Variants in CROT observed in about 807,000 individuals in gnomAD.
CROT encodes peroxisomal carnitine O-octanoyltransferase.
CROT carries 84 observed loss-of-function variants against 89.2 expected under a neutral mutation model. The observed-to-expected ratio is 0.94, with a 90% CI of 0.79 to 1.13. The LOEUF (loss-of-function observed/expected upper bound fraction) is 1.13, where lower values mean the gene tolerates loss of function less well. Among genes scored for constraint, CROT ranks in the 50% most tolerant of loss-of-function variants. CROT has a pLI of 0.00. For missense variants in CROT, 711 were observed against 727.8 expected (o/e 0.98, Z 0.27); for synonymous variants, 212 against 239.5 (o/e 0.89, Z 1.06).
At chr7:87,348,991 G>T in intron 2 of CROT, 57 bp from the exon 3 acceptor site, 4 of 681,406 alleles carry the variant, frequency 5.9e-6, no homozygotes, top group Non-Finnish European at 1.0e-5. Context: ...TTGTACCTAG[G>T]ATACGTAACA....
intron 7 of CROT, among the ~76,000 whole-genome samples, chr7:87,373,158 G>C (rs1386414703): frequency 6.6e-6 from 1 of 152,058 alleles, no homozygotes; most frequent in Non-Finnish European, 1.5e-5. Flanking sequence ...TAAGGGTAAA[G>C]TGGGATCTCG....
chr7:87,375,647 C>G lies in CROT; in HGVS notation c.672C>G (p.Ile224Met). The G allele has an allele frequency of 6.2e-7, 1 of 1,612,732 alleles. No homozygotes were observed. The change falls in exon 8 of 18, where the codon ATC becomes ATG. Residue 224 changes from isoleucine (I) to methionine (M), a missense_variant. By Grantham distance (10) the Ile-to-Met change is conservative. Transcript: ENST00000331536. ...CTTCCATAAGACAACTGACATATAT[C>G]CACAAGAAGTGCCATAGTGAACCTG... The part of the protein sequence containing the change: ...PPELLRQLTY[I>M]HKKCHSEPDG...
At chr7:87,358,152 G>T in intron 3 of CROT, among the ~76,000 whole-genome samples, 1 of 152,044 alleles carries the variant, frequency 6.6e-6, no homozygotes, top group East Asian at 1.9e-4. Flanking sequence ...GAACAATGCA[G>T]GGCTGGTGGT....
chr7:87,361,396 G>T lies in CROT; in HGVS notation c.247G>T (p.Glu83Ter), dbSNP rs767024587. The T allele has an allele frequency of 4.3e-6, 7 of 1,612,794 alleles. No homozygotes were observed. Among genetic ancestry groups the T allele is most frequent in the Non-Finnish European group, 5.9e-6 (7 of 1,179,682 alleles). The change falls in exon 5 of 18, where the codon GAG becomes TAG. Residue 83 changes from glutamate to a stop codon, truncating the protein, a stop_gained. Coordinates refer to ENST00000331536, the MANE Select transcript of CROT (RefSeq NM_021151.4). LOFTEE classifies it high-confidence loss of function. Reference protein sequence around the residue: ...RAKGKRNWLEEWWLNVAYLDV... With the variant: ...RAKGKRNWLE ...TGTTCTCAATTTCTTTTAGCTGGAA[G>T]AGTGGTGGCTGAATGTTGCCTATCT... is the stretch of plus-strand genomic sequence containing the variant.
At chr7:87,393,145 C>A in intron 17 of CROT, 78 bp downstream of exon 17, 2 of 1,432,390 alleles carry the variant, frequency 1.4e-6, no homozygotes, top group Non-Finnish European at 1.9e-6. Context: ...GCCTTTCCTA[C>A]ACTGTGATTC....
chr7:87,392,530 G>T, intron 14 of CROT, 36 bp from the exon 15 acceptor site: 1 of 1,545,788 alleles, frequency 6.5e-7, no homozygotes, highest in Non-Finnish European at 8.9e-7. Flanking sequence ...GTTTTGCACA[G>T]TGTGTTATTG....
intron 17 of CROT, among the ~76,000 whole-genome samples, 169 bp downstream of exon 17, chr7:87,393,236 T>C (rs538918330): frequency 1.3e-5 from 2 of 152,328 alleles, no homozygotes; most frequent in Non-Finnish European, 2.9e-5. Context: ...TGTTTCTCTG[T>C]CCTGCTTTTG....
chr7:87,385,779 A>G (rs952811557), intron 13 of CROT, among the ~76,000 whole-genome samples: 1 of 152,064 alleles, frequency 6.6e-6, no homozygotes, highest in Non-Finnish European at 1.5e-5. Flanking sequence ...AAGTCTTGCA[A>G]TTTTTCCATG....
intron 7 of CROT, among the ~76,000 whole-genome samples, chr7:87,374,489 AGGTT>A: frequency 6.6e-6 from 1 of 152,186 alleles, no homozygotes; most frequent in East Asian, 1.9e-4. Flanking sequence ...GGAGAGAAAC[AGGTT>A]GATTTTATTT....
chr7:87,392,512 C>T lies in CROT; in HGVS notation c.1426-54C>T. 5.8e-6 allele frequency: 8 copies of T among 1,389,172 alleles called. No homozygotes were observed. In the Admixed American group the frequency reaches 7.6e-5, roughly 13 times the overall value. 86.1% of individuals were successfully genotyped at this position (1,389,172 alleles called of 1,614,324 possible). A position where few individuals can be genotyped will look rare whatever the true frequency, so the allele number is the denominator to read the frequency against. The stretch of plus-strand genomic sequence containing the variant: ...ATTACAATGAGCTTAGGATTTTTTT[C>T]TAGTTGGGTTTTGCACAGTGTGTTA... On this transcript the variant is annotated intron_variant, in intron 14 of 17. Transcript: ENST00000331536.
chr7:87,368,888 T>G (rs942486048), intron 6 of CROT, among the ~76,000 whole-genome samples: 2 of 152,232 alleles, frequency 1.3e-5, no homozygotes, highest in Non-Finnish European at 2.9e-5. Context: ...TGGACAAAAT[T>G]CTTTTCCTTT....
At chr7:87,363,157 G>A (rs1185997797) in intron 6 of CROT, among the ~76,000 whole-genome samples, 1 of 152,126 alleles carries the variant, frequency 6.6e-6, no homozygotes, top group Non-Finnish European at 1.5e-5. Context: ...CCTTAGATAA[G>A]GTAACTCTTT....
At chr7:87,383,949 C>G (rs912496798) in intron 13 of CROT, among the ~76,000 whole-genome samples, 1 of 152,044 alleles carries the variant, frequency 6.6e-6, no homozygotes, top group Non-Finnish European at 1.5e-5. Flanking sequence ...GTGGGATCAT[C>G]AGATTGTAGG....
chr7:87,389,089 G>A lies in CROT; in HGVS notation c.1302-2500G>A, dbSNP rs537820153. On this transcript the variant is annotated intron_variant, in intron 13 of 17. Coordinates refer to ENST00000331536, the MANE Select transcript of CROT (RefSeq NM_021151.4). Reference sequence around the variant, plus strand: ...CACAATGAGATACCATCTTATGCCAGTTAGAATGGCGATCATTAAAAAGTC... The same window carrying A: ...CACAATGAGATACCATCTTATGCCAATTAGAATGGCGATCATTAAAAAGTC... Among the ~76,000 whole-genome samples the A allele has an allele frequency of 1.1e-3, 175 of 152,344 alleles. 1 individual carries two copies. Among genetic ancestry groups the A allele is most frequent in the Non-Finnish European group, 9.0e-4 (61 of 68,036 alleles).
At chr7:87,358,256 T>G (rs1316488595) in intron 3 of CROT, among the ~76,000 whole-genome samples, 1 of 151,098 alleles carries the variant, frequency 6.6e-6, no homozygotes, top group Non-Finnish European at 1.5e-5. Flanking sequence ...GGCAGGTAGA[T>G]CACGAGGTCA....
chr7:87,397,074 C>T (rs1008418594), intron 17 of CROT, among the ~76,000 whole-genome samples: 1 of 152,156 alleles, frequency 6.6e-6, no homozygotes, highest in Non-Finnish European at 1.5e-5. Context: ...ATTCTGTAGG[C>T]TAGGCATGGT....
chr7:87,389,093 G>T (rs1353900754), intron 13 of CROT, among the ~76,000 whole-genome samples: 1 of 152,214 alleles, frequency 6.6e-6, no homozygotes, highest in African/African-American at 2.4e-5. Flanking sequence ...ATGCCAGTTA[G>T]AATGGCGATC....
In CROT at chr7:87,350,700, T is replaced by C. The variant is rs191671310; in HGVS notation, c.115+1517T>C. On this transcript the variant is annotated intron_variant, in intron 3 of 17. Transcript: ENST00000331536. ...AAGGAGAAGGATGAGCATGCAATCT[T>C]AGAGATTTATTTTGCCATTCTGTCC... Among the ~76,000 whole-genome samples the C allele has an allele frequency of 3.4e-4, 52 of 152,252 alleles. 1 individual carries two copies. Among genetic ancestry groups the C allele is most frequent in the African/African-American group, 1.2e-3 (51 of 41,552 alleles).
chr7:87,360,514 T>C (rs1159605004), intron 4 of CROT, among the ~76,000 whole-genome samples: 1 of 152,152 alleles, frequency 6.6e-6, no homozygotes, highest in Non-Finnish European at 1.5e-5. Context: ...CTGATTTTTG[T>C]ATTTTTTGTA....
Sources: gnomAD v4.1 joint callset for allele counts (sites outside exome capture counted in the v4.1 genomes callset) on GRCh38, gnomAD v4.1.1 for gene constraint, MANE v1.5 for transcripts, NCBI Gene and HGNC (gene_info 2026-07-23, HGNC 2026-07-21) for gene names.